Variants in KLF8 observed in about 807,000 individuals in gnomAD.
The protein encoded by KLF8 is Krueppel-like factor 8.
A neutral mutation model predicts 18.2 loss-of-function variants in KLF8; 10 were observed. The observed-to-expected ratio is 0.55, with a 90% CI of 0.34 to 0.93. The LOEUF is 0.93. KLF8 is among the 40% of genes least tolerant of loss of function. The probability of loss-of-function intolerance (pLI) is 0.02; values close to 1 mark genes in which losing one functional copy is unlikely to be tolerated. For missense variants in KLF8, 264 were observed against 277.9 expected (o/e 0.95, Z 0.36); for synonymous variants, 109 against 97.3 (o/e 1.12, Z -0.71).
the KLF8 span, among the ~76,000 whole-genome samples, chrX:56,220,107 T>C: frequency 6.9e-4 from 78 of 112,339 alleles, no homozygotes; most frequent in Non-Finnish European, 1.2e-3. Flanking sequence ...AAATATTCCT[T>C]GCGCTAAAGA....
At chrX:56,101,148 T>A in the KLF8 span, among the ~76,000 whole-genome samples, 1 of 111,617 alleles carries the variant, frequency 9.0e-6, no homozygotes, top group Admixed American at 9.6e-5. Context: ...TAGTCTCCAG[T>A]GTCTGTTGTT....
At chrX:56,118,604 T>C in the KLF8 span, among the ~76,000 whole-genome samples, 2 of 111,330 alleles carry the variant, frequency 1.8e-5, no homozygotes, top group Admixed American at 1.9e-4. Context: ...AGGGTCACAC[T>C]TGAAAGCCTA....
At chrX:55,998,545 G>A in the KLF8 span, among the ~76,000 whole-genome samples, 486 of 112,260 alleles carry the variant, frequency 4.3e-3, 5 homozygotes, top group African/African-American at 0.015. Context: ...ATCTTGCACC[G>A]CCCTTAATCC....
At chrX:56,200,488 T>G in the KLF8 span, among the ~76,000 whole-genome samples, 1 of 110,517 alleles carries the variant, frequency 9.0e-6, no homozygotes, top group African/African-American at 3.3e-5. Context: ...TTAACTTGCA[T>G]GGAATAAAGA....
the KLF8 span, among the ~76,000 whole-genome samples, chrX:56,147,757 T>A: frequency 6.2e-5 from 7 of 112,201 alleles, no homozygotes. Context: ...GGTGGGTGGA[T>A]CACATGAGGT....
chrX:56,104,111 T>C, the KLF8 span, among the ~76,000 whole-genome samples: 19 of 112,043 alleles, frequency 1.7e-4, no homozygotes, highest in African/African-American at 5.8e-4. Flanking sequence ...GGATTCAGTT[T>C]GCCAGTATTT....
chrX:56,282,292 G>A (rs370623596), intron 5 of KLF8, among the ~76,000 whole-genome samples: 110 of 112,208 alleles, frequency 9.8e-4, no homozygotes, highest in African/African-American at 3.4e-3. Flanking sequence ...CCTACTCTCC[G>A]TGAGCATGTG....
At chrX:56,225,146 G>T in the KLF8 span, among the ~76,000 whole-genome samples, 2 of 111,601 alleles carry the variant, frequency 1.8e-5, no homozygotes, top group Non-Finnish European at 3.8e-5. Flanking sequence ...CCCTAGCAGT[G>T]CATCAATCAT....
chrX:56,139,386 A>G, the KLF8 span, among the ~76,000 whole-genome samples: 1 of 112,017 alleles, frequency 8.9e-6, no homozygotes, highest in East Asian at 2.8e-4. Flanking sequence ...GCATCACAAT[A>G]CCTGATTTCA....
intron 2 of KLF8, among the ~76,000 whole-genome samples, chrX:56,264,743 C>T (rs1281628450): frequency 9.0e-6 from 1 of 111,084 alleles, no homozygotes; most frequent in Non-Finnish European, 1.9e-5. Context: ...ATGAGTCATT[C>T]CCTTTTGTTT....
At chrX:56,002,462 T>C in the KLF8 span, among the ~76,000 whole-genome samples, 1 of 110,000 alleles carries the variant, frequency 9.1e-6, no homozygotes, top group East Asian at 2.8e-4. Flanking sequence ...TGTTTAAGTG[T>C]CTACCTTCCT....
chrX:56,097,341 CTTTTT>C, the KLF8 span, among the ~76,000 whole-genome samples: 1 of 90,708 alleles, frequency 1.1e-5, no homozygotes. Context: ...CCCTTTCTTT[CTTTTT>C]TTTTTTTTTT....
At chrX:56,195,413 T>C in the KLF8 span, among the ~76,000 whole-genome samples, 1 of 112,089 alleles carries the variant, frequency 8.9e-6, no homozygotes, top group Non-Finnish European at 1.9e-5. Context: ...CTGAAAACCA[T>C]GGTTTGAGAA....
At chrX:56,245,283 G>A (rs1372618537) in intron 1 of KLF8, among the ~76,000 whole-genome samples, 2 of 111,382 alleles carry the variant, frequency 1.8e-5, no homozygotes, top group African/African-American at 6.5e-5. Context: ...TTATCTCTAG[G>A]CATTTTTCCC....
chrX:56,237,763 A>G (rs1480834824), intron 1 of KLF8, among the ~76,000 whole-genome samples: 3 of 111,979 alleles, frequency 2.7e-5, no homozygotes, highest in African/African-American at 9.7e-5. Flanking sequence ...GGCTTAAACA[A>G]CAGAAATGTA....
chrX:56,037,472 G>T, the KLF8 span, among the ~76,000 whole-genome samples: 6 of 111,360 alleles, frequency 5.4e-5, no homozygotes, highest in Non-Finnish European at 7.5e-5. Context: ...TTTAGAAATA[G>T]TTTGAGAATA....
At chrX:55,931,822 G>A in the KLF8 span, among the ~76,000 whole-genome samples, 1 of 111,193 alleles carries the variant, frequency 9.0e-6, no homozygotes, top group Non-Finnish European at 1.9e-5. Flanking sequence ...GCAATGTGGT[G>A]CTGAGAAGAA....
intron 5 of KLF8, among the ~76,000 whole-genome samples, chrX:56,274,264 G>A (rs1157970472): frequency 8.9e-6 from 1 of 112,068 alleles, no homozygotes; most frequent in South Asian, 3.7e-4. Flanking sequence ...ACGTTTCTCC[G>A]ATTATCAGTG....
the KLF8 span, among the ~76,000 whole-genome samples, chrX:56,063,667 G>T: frequency 2.7e-5 from 3 of 111,842 alleles, no homozygotes; most frequent in African/African-American, 9.7e-5. Flanking sequence ...CTGTCTCTTA[G>T]TGGAGGTCAA....
Sources: allele counts gnomAD v4.1 joint callset (sites outside exome capture counted in the v4.1 genomes callset), GRCh38; gene constraint gnomAD v4.1.1; transcripts MANE v1.5; gene names NCBI Gene and HGNC (gene_info 2026-07-23, HGNC 2026-07-21).